The following CLSTN2 variants were observed in gnomAD, a reference collection of about 807,000 sequenced individuals.
The protein encoded by CLSTN2 is calsyntenin 2.
A neutral mutation model predicts 101.2 loss-of-function variants in CLSTN2; 48 were observed. That is an observed-to-expected ratio of 0.47 (90% CI 0.38 to 0.60). CLSTN2 has a LOEUF of 0.60. Among genes scored for constraint, CLSTN2 ranks in the 20% least tolerant of loss-of-function variants. The probability of loss-of-function intolerance (pLI) is 0.00; values close to 1 mark genes in which losing one functional copy is unlikely to be tolerated. For synonymous variants in CLSTN2, 481 were observed against 463.6 expected, an observed-to-expected ratio of 1.04 and a Z score of -0.48; for missense variants, 1,160 against 1,238.2, an observed-to-expected ratio of 0.94 and a Z score of 0.95.
chr3:140,090,183 A>G (rs2008753879), intron 1 of CLSTN2, among the ~76,000 whole-genome samples: 1 of 138,480 alleles, frequency 7.2e-6, no homozygotes, highest in African/African-American at 2.8e-5. Flanking sequence ...TCCCGGCTGA[A>G]GGGGGGTTAT....
chr3:140,542,731 G>A (rs888373534), intron 9 of CLSTN2, among the ~76,000 whole-genome samples: 2 of 152,166 alleles, frequency 1.3e-5, no homozygotes, highest in African/African-American at 2.4e-5. Flanking sequence ...GAACATGAGT[G>A]TATTTTGCTG....
chr3:140,295,042 G>A (rs1435111815), intron 2 of CLSTN2, among the ~76,000 whole-genome samples: 2 of 152,086 alleles, frequency 1.3e-5, no homozygotes, highest in Non-Finnish European at 2.9e-5. Flanking sequence ...TACACATTTG[G>A]GGTATTGGGG....
chr3:140,240,111 G>A (rs1576479722), intron 2 of CLSTN2, among the ~76,000 whole-genome samples: 1 of 132,888 alleles, frequency 7.5e-6, no homozygotes, highest in Non-Finnish European at 1.6e-5. Context: ...TGGCCATAAA[G>A]CTATACCTTA....
intron 1 of CLSTN2, among the ~76,000 whole-genome samples, chr3:139,998,804 A>G (rs2006750491): frequency 6.6e-6 from 1 of 152,076 alleles, no homozygotes; most frequent in South Asian, 2.1e-4. Context: ...TCTGGCCCAG[A>G]GCAGAACTTA....
intron 1 of CLSTN2, among the ~76,000 whole-genome samples, chr3:140,072,599 G>T (rs1315862725): frequency 6.6e-6 from 1 of 152,046 alleles, no homozygotes; most frequent in Non-Finnish European, 1.5e-5. Flanking sequence ...TGAAGGGAAG[G>T]CCTGTTTACA....
intron 5 of CLSTN2, among the ~76,000 whole-genome samples, chr3:140,447,807 G>A (rs1310262665): frequency 6.6e-6 from 1 of 152,036 alleles, no homozygotes; most frequent in Non-Finnish European, 1.5e-5. Flanking sequence ...TGGCACATTA[G>A]AAAAAAAGGA....
At chr3:140,230,697 G>A (rs2086363360) in intron 2 of CLSTN2, among the ~76,000 whole-genome samples, 1 of 152,172 alleles carries the variant, frequency 6.6e-6, no homozygotes, top group Admixed American at 6.5e-5. Context: ...CTCTGAAACT[G>A]TAAGAAATAA....
chr3:140,191,618 T>TGTA (rs372019316), intron 2 of CLSTN2, among the ~76,000 whole-genome samples: 73 of 152,080 alleles, frequency 4.8e-4, no homozygotes, highest in African/African-American at 1.6e-3. Flanking sequence ...TTGGATGGGT[T>TGTA]GTAGTTTCTG....
chr3:140,138,976 T>G (rs1351383643), intron 1 of CLSTN2, among the ~76,000 whole-genome samples: 1 of 152,272 alleles, frequency 6.6e-6, no homozygotes, highest in African/African-American at 2.4e-5. Context: ...TCCAGCTTCG[T>G]AATTTACTAT....
At chr3:140,188,785 C>G (rs1220995191) in intron 2 of CLSTN2, among the ~76,000 whole-genome samples, 2 of 151,962 alleles carry the variant, frequency 1.3e-5, no homozygotes, top group African/African-American at 4.8e-5. Flanking sequence ...ATGTGTATAC[C>G]TTACTCAGTT....
intron 1 of CLSTN2, among the ~76,000 whole-genome samples, chr3:140,104,756 T>C (rs2009024222): frequency 6.6e-6 from 1 of 152,204 alleles, no homozygotes. Context: ...GGCAGATCAC[T>C]TGAGGCCAGG....
At chr3:140,208,279 G>C (rs1576467648) in intron 2 of CLSTN2, among the ~76,000 whole-genome samples, 1 of 152,094 alleles carries the variant, frequency 6.6e-6, no homozygotes, top group East Asian at 1.9e-4. Context: ...TGTACGATTG[G>C]AGGCTCAAAC....
intron 2 of CLSTN2, among the ~76,000 whole-genome samples, chr3:140,202,747 G>T (rs1033553740): frequency 1.3e-5 from 2 of 151,858 alleles, no homozygotes; most frequent in Non-Finnish European, 2.9e-5. Flanking sequence ...AGTGTGTTAG[G>T]AGGAAACCAA....
chr3:140,080,348 C>A (rs999603881), intron 1 of CLSTN2, among the ~76,000 whole-genome samples: 1 of 152,236 alleles, frequency 6.6e-6, no homozygotes, highest in Admixed American at 6.5e-5. Flanking sequence ...CTCTTCATCT[C>A]TGAACCTCCA....
At chr3:139,970,951 T>C (rs1935688708) in intron 1 of CLSTN2, among the ~76,000 whole-genome samples, 1 of 152,230 alleles carries the variant, frequency 6.6e-6, no homozygotes. Flanking sequence ...GGAGGGCTGA[T>C]GGTCTTTGTA....
At chr3:140,264,227 C>G (rs1461049907) in intron 2 of CLSTN2, among the ~76,000 whole-genome samples, 1 of 151,410 alleles carries the variant, frequency 6.6e-6, no homozygotes, top group East Asian at 2.0e-4. Context: ...TTTAAAATGG[C>G]CTCCCAAGCA....
chr3:140,517,651 A>G (rs913706495), intron 8 of CLSTN2, among the ~76,000 whole-genome samples: 1 of 152,148 alleles, frequency 6.6e-6, no homozygotes, highest in Non-Finnish European at 1.5e-5. Flanking sequence ...AGTGTCTACA[A>G]AGAGTCCTGT....
At chr3:139,982,308 A>C (rs999541538) in intron 1 of CLSTN2, among the ~76,000 whole-genome samples, 1 of 152,024 alleles carries the variant, frequency 6.6e-6, no homozygotes, top group Non-Finnish European at 1.5e-5. Context: ...TTGGTACAAA[A>C]TTTAAATATA....
rs1559848709 is a variant in CLSTN2 at position 140,362,014 on chromosome 3, A to G, written c.233-41615A>G. On this transcript the variant is annotated intron_variant, in intron 2 of 16. Transcript: ENST00000458420. ...CAAAGGATCCAGAATCTCCAGAACA[A>G]TTTTGAAAAGGAATAACGAAGTCAA... is the stretch of plus-strand genomic sequence containing the variant. 2.0e-5 allele frequency among the ~76,000 whole-genome samples: 3 copies of G among 152,304 alleles called. No individual in the cohort carries two copies. The East Asian group carries it at 5.8e-4, about 29-fold the overall frequency.
Sources: allele counts gnomAD v4.1 joint callset (sites outside exome capture counted in the v4.1 genomes callset), GRCh38; gene constraint gnomAD v4.1.1; transcripts MANE v1.5; gene names NCBI Gene and HGNC (gene_info 2026-07-23, HGNC 2026-07-21).